STOX2: variants seen among roughly 807,000 people sequenced by gnomAD.
STOX2 encodes the protein storkhead box 2.
In STOX2, 28 loss-of-function variants were observed where a neutral mutation model predicts 60.9. The observed-to-expected ratio is 0.46, with a 90% confidence interval of 0.34 to 0.63. The LOEUF (loss-of-function observed/expected upper bound fraction) is 0.63, where lower values mean the gene tolerates loss of function less well. Ranked by LOEUF, STOX2 falls within the 30% of genes least tolerant of loss-of-function variation. The pLI, the probability that STOX2 is intolerant of heterozygous loss-of-function variation, is 0.01. For synonymous variants in STOX2, 472 were observed against 463.9 expected (o/e 1.02, Z -0.22); for missense variants, 1,024 against 1,187.7 (o/e 0.86, Z 2.03).
intron 1 of STOX2, among the ~76,000 whole-genome samples, chr4:183,939,075 T>C (rs1742677188): frequency 6.6e-6 from 1 of 152,198 alleles, no homozygotes; most frequent in Non-Finnish European, 1.5e-5. Flanking sequence ...AAGCTATCGG[T>C]AGCTAACCAG....
In STOX2 at chr4:183,906,606, T is replaced by G; in HGVS notation, c.-185T>G. ...GTGTGTAAAATCGGAGCCTTCGCCG[T>G]GGGGGTGTGGGGGGGCGTGGGGAGG... On this transcript the variant is annotated 5_prime_UTR_variant, in exon 1 of 4. Coordinates refer to ENST00000308497, the MANE Select transcript of STOX2 (RefSeq NM_020225.3). 1.7e-6 allele frequency: 1 copy of G among 578,740 alleles called. No homozygotes were observed. Among genetic ancestry groups the G allele is most frequent in the East Asian group, 3.1e-5 (1 of 32,660 alleles). The allele number at this position is 578,740 out of a possible 1,614,324, so 35.9% of individuals were successfully genotyped here. A position where few individuals can be genotyped will look rare whatever the true frequency, so the allele number is the denominator to read the frequency against.
intron 1 of STOX2, among the ~76,000 whole-genome samples, chr4:183,892,669 G>A (rs956942535): frequency 6.6e-6 from 1 of 152,150 alleles, no homozygotes; most frequent in African/African-American, 2.4e-5. Context: ...TTGTGGCGGT[G>A]TGGGACAACA....
intron 1 of STOX2, among the ~76,000 whole-genome samples, chr4:183,896,230 T>A (rs1579385995): frequency 6.6e-6 from 1 of 152,334 alleles, no homozygotes; most frequent in South Asian, 2.1e-4. Context: ...TCTTAACAGC[T>A]GATACCAGGA....
At chr4:183,994,112 G>C (rs1290386758) in intron 1 of STOX2, among the ~76,000 whole-genome samples, 1 of 152,172 alleles carries the variant, frequency 6.6e-6, no homozygotes, top group Non-Finnish European at 1.5e-5. Flanking sequence ...CCCAGAAAGC[G>C]GGTGATTTCC....
chr4:183,863,315 A>T (rs923836218), intron 1 of STOX2, among the ~76,000 whole-genome samples: 8 of 152,204 alleles, frequency 5.3e-5, no homozygotes, highest in African/African-American at 1.4e-4. Context: ...GTCCATTGAC[A>T]TCTCAAGGAA....
At chr4:183,801,170 C>T (rs554568515) in intron 1 of STOX2, among the ~76,000 whole-genome samples, 1 of 152,286 alleles carries the variant, frequency 6.6e-6, no homozygotes, top group African/African-American at 2.4e-5. Context: ...TGTTAAGCCA[C>T]TCAAAGGAAA....
At chr4:183,887,649 A>C (rs535112026) in intron 1 of STOX2, among the ~76,000 whole-genome samples, 1 of 152,250 alleles carries the variant, frequency 6.6e-6, no homozygotes. Flanking sequence ...ATAAAGCCTT[A>C]GCAGAGATTT....
At chr4:183,918,653 C>A (rs1243228734) in intron 1 of STOX2, among the ~76,000 whole-genome samples, 1 of 152,214 alleles carries the variant, frequency 6.6e-6, no homozygotes, top group Non-Finnish European at 1.5e-5. Context: ...AGTGCATGTT[C>A]CTCCTTCGGT....
chr4:183,875,241 C>T (rs1409980741), intron 1 of STOX2, among the ~76,000 whole-genome samples: 2 of 151,882 alleles, frequency 1.3e-5, no homozygotes, highest in South Asian at 2.1e-4. Context: ...CTCTTCTTGT[C>T]TTTATTCTCT....
intron 1 of STOX2, among the ~76,000 whole-genome samples, chr4:183,855,242 A>G (rs1464325396): frequency 1.3e-5 from 2 of 152,282 alleles, no homozygotes; most frequent in East Asian, 3.9e-4. Flanking sequence ...TTGAAATTTA[A>G]TTGTGTGTAT....
At position 183,857,759 on chromosome 4, in the gene STOX2, C is replaced by G. The variant is rs116323754; in HGVS notation, c.364+59704C>G. Among the ~76,000 whole-genome samples the G allele has an allele frequency of 8.4e-3, 1,283 of 152,182 alleles. 14 individuals carry two copies. The highest frequency in any genetic ancestry group is 0.029 in the African/African-American group (1,220 of 41,504). The stretch of plus-strand genomic sequence containing the variant: ...GTGTCCCTGTCTGCTTTGCAGCCCC[C>G]CTTCCTTGGTTTCTGGAAAGCTGCT... On this transcript the variant is annotated intron_variant, in intron 1 of 2. Transcript: ENST00000513034.
At chr4:184,002,044 AGG>A (rs1020663093) in intron 2 of STOX2, among the ~76,000 whole-genome samples, 39 of 152,328 alleles carry the variant, frequency 2.6e-4, no homozygotes, top group African/African-American at 8.4e-4. Flanking sequence ...GGCATTAGGA[AGG>A]GTGACAAGCT....
At chr4:183,888,159 G>A (rs1741125603) in intron 1 of STOX2, among the ~76,000 whole-genome samples, 1 of 152,110 alleles carries the variant, frequency 6.6e-6, no homozygotes, top group African/African-American at 2.4e-5. Flanking sequence ...ACCTTCAATT[G>A]TCTTTCATTC....
chr4:183,883,525 C>G (rs1415185204), intron 1 of STOX2, among the ~76,000 whole-genome samples: 1 of 152,008 alleles, frequency 6.6e-6, no homozygotes, highest in Non-Finnish European at 1.5e-5. Flanking sequence ...ACCGTGTTAG[C>G]CAGGATGGTC....
intron 1 of STOX2, among the ~76,000 whole-genome samples, chr4:183,959,757 G>A (rs934334344): frequency 1.8e-4 from 27 of 152,164 alleles, no homozygotes; most frequent in Admixed American, 1.8e-3. Flanking sequence ...ATGCTGAATT[G>A]GCTTCTAGAT....
At chr4:183,987,135 G>A (rs1349344534) in intron 1 of STOX2, among the ~76,000 whole-genome samples, 1 of 152,186 alleles carries the variant, frequency 6.6e-6, no homozygotes, top group Non-Finnish European at 1.5e-5. Context: ...TTGGATTTGG[G>A]AGAGTTCGGC....
intron 1 of STOX2, among the ~76,000 whole-genome samples, chr4:183,800,848 C>G (rs1457524107): frequency 1.3e-5 from 2 of 152,204 alleles, no homozygotes; most frequent in Non-Finnish European, 2.9e-5. Context: ...TTTGCCCTGT[C>G]TCTTGACTTG....
intron 1 of STOX2, among the ~76,000 whole-genome samples, chr4:183,923,539 A>G (rs1389646481): frequency 6.6e-6 from 1 of 152,216 alleles, no homozygotes; most frequent in African/African-American, 2.4e-5. Flanking sequence ...CAGACCAACA[A>G]ACGTGCTCCT....
intron 1 of STOX2, among the ~76,000 whole-genome samples, chr4:183,944,231 A>G (rs751378394): frequency 3.1e-4 from 47 of 152,206 alleles, no homozygotes; most frequent in Admixed American, 2.1e-3. Context: ...GCGGGGCTTA[A>G]TTAAAGCCAG....
Sources: allele counts gnomAD v4.1 joint callset (sites outside exome capture counted in the v4.1 genomes callset), GRCh38; gene constraint gnomAD v4.1.1; transcripts MANE v1.5; gene names NCBI Gene and HGNC (gene_info 2026-07-23, HGNC 2026-07-21).